PHACTR3: variants seen among roughly 807,000 people sequenced by gnomAD.
PHACTR3 encodes protein phosphatase 1, regulatory subunit 123.
A neutral mutation model predicts 66.8 loss-of-function variants in PHACTR3; 16 were observed. The ratio of observed to expected loss-of-function variants is 0.24; its 90% confidence interval spans 0.16 to 0.36. The LOEUF is 0.36. Ranked by LOEUF, PHACTR3 falls within the 10% of genes least tolerant of loss-of-function variation. The pLI, the probability that PHACTR3 is intolerant of heterozygous loss-of-function variation, is 1.00. For synonymous variants in PHACTR3, 323 were observed against 292.1 expected (o/e 1.11, Z -1.08); for missense variants, 647 against 719.9 (o/e 0.90, Z 1.16).
At position 59,829,580 on chromosome 20, in the gene PHACTR3, C is replaced by T. The variant is rs977089783; in HGVS notation, c.1329-6925C>T. On this transcript the variant is annotated intron_variant, in intron 8 of 12. Transcript: ENST00000371015. The surrounding 1 kb of genome is among the most constrained non-coding windows in gnomAD (Gnocchi z 4.2). ...GATGTCTGAGGATGCATCAATGCGTCGTGTGAATGGTGTGTGGAGACGCTG... is the reference window on the plus strand; with the variant it reads ...GATGTCTGAGGATGCATCAATGCGTTGTGTGAATGGTGTGTGGAGACGCTG... Among the ~76,000 whole-genome samples, 6 of 152,226 alleles carry T rather than the reference C, an allele frequency of 3.9e-5. No individual in the cohort carries two copies. Among genetic ancestry groups the T allele is most frequent in the South Asian group, 2.1e-4 (1 of 4,834 alleles).
At chr20:59,657,030 C>G (rs2035639913) in intron 1 of PHACTR3, among the ~76,000 whole-genome samples, 1 of 151,890 alleles carries the variant, frequency 6.6e-6, no homozygotes, top group African/African-American at 2.4e-5. Context: ...GAATTTATGT[C>G]TTTCAAGGAA....
At chr20:59,811,014 C>A (rs976248790) in intron 8 of PHACTR3, among the ~76,000 whole-genome samples, 1 of 152,246 alleles carries the variant, frequency 6.6e-6, no homozygotes, top group Non-Finnish European at 1.5e-5. Context: ...ATGTGCTTGA[C>A]GTCTGCCTTA....
At position 59,824,856 on chromosome 20, in the gene PHACTR3, T is replaced by A. The variant is rs140105423; in HGVS notation, c.1329-11649T>A. Among the ~76,000 whole-genome samples the A allele has an allele frequency of 3.7e-3, 557 of 152,318 alleles. 6 individuals are homozygous for A. Among genetic ancestry groups the A allele is most frequent in the African/African-American group, 0.012 (514 of 41,564 alleles). ...TCCAACTTTCTGCCCTCTGCTGATC[T>A]GGAGGTGGCACAGTGACGTGCTGTT... On this transcript the variant is annotated intron_variant, in intron 8 of 12. Transcript: ENST00000371015.
At chr20:59,680,692 A>G (rs1601087202) in intron 1 of PHACTR3, among the ~76,000 whole-genome samples, 2 of 152,046 alleles carry the variant, frequency 1.3e-5, no homozygotes, top group African/African-American at 4.8e-5. Context: ...AACTATCATT[A>G]GTGTTAGCGT....
At chr20:59,767,096 C>T (rs1404323893) in intron 4 of PHACTR3, 90 bp from the exon 5 acceptor site, 3 of 1,330,900 alleles carry the variant, frequency 2.3e-6, no homozygotes, top group Admixed American at 1.9e-5. Context: ...TTCACGATCC[C>T]ATCCCACCAA....
chr20:59,725,178 T>G (rs1306706861), intron 1 of PHACTR3, among the ~76,000 whole-genome samples: 2 of 151,924 alleles, frequency 1.3e-5, no homozygotes, highest in Non-Finnish European at 2.9e-5. Context: ...TCAGTAAGGC[T>G]GTGAACCCAG....
intron 1 of PHACTR3, among the ~76,000 whole-genome samples, chr20:59,686,364 A>G (rs2036859899): frequency 6.6e-6 from 1 of 152,208 alleles, no homozygotes; most frequent in Admixed American, 6.5e-5. Flanking sequence ...AATAATAATA[A>G]TACCTTTTCT....
At chr20:59,668,086 A>G (rs1260234914) in intron 1 of PHACTR3, among the ~76,000 whole-genome samples, 2 of 152,154 alleles carry the variant, frequency 1.3e-5, no homozygotes, top group Non-Finnish European at 2.9e-5. Flanking sequence ...GTACGGACTT[A>G]GAGGTGGGCA....
chr20:59,707,863 C>T (rs559063748), intron 1 of PHACTR3, among the ~76,000 whole-genome samples: 1 of 152,274 alleles, frequency 6.6e-6, no homozygotes, highest in African/African-American at 2.4e-5. Flanking sequence ...GACATCAGTG[C>T]CGTATTTCTT....
intron 8 of PHACTR3, among the ~76,000 whole-genome samples, chr20:59,814,834 A>AT (rs1277206405): frequency 6.6e-6 from 1 of 151,938 alleles, no homozygotes; most frequent in East Asian, 1.9e-4. Context: ...CTGGAAACCC[A>AT]TTTTTTCTTG....
chr20:59,664,591 A>C (rs2035923394), intron 1 of PHACTR3, among the ~76,000 whole-genome samples: 1 of 152,120 alleles, frequency 6.6e-6, no homozygotes, highest in South Asian at 2.1e-4. Context: ...CCAACTCCAG[A>C]CATCCCCCTC....
intron 1 of PHACTR3, among the ~76,000 whole-genome samples, chr20:59,674,509 C>CG (rs573791354): frequency 3.1e-5 from 4 of 127,538 alleles, no homozygotes; most frequent in African/African-American, 1.3e-4. Flanking sequence ...TCCTGTTCCC[C>CG]CTTCTCCTGT....
chr20:59,805,080 G>A (rs935221773), intron 7 of PHACTR3, among the ~76,000 whole-genome samples: 20 of 152,236 alleles, frequency 1.3e-4, no homozygotes, highest in Non-Finnish European at 2.5e-4. Flanking sequence ...GGCAGGGCAG[G>A]TGGGGACTGT....
intron 1 of PHACTR3, among the ~76,000 whole-genome samples, chr20:59,627,814 A>G (rs1207601449): frequency 1.3e-5 from 2 of 152,218 alleles, no homozygotes; most frequent in African/African-American, 4.8e-5. Flanking sequence ...CTATAAATAT[A>G]TGTATATTCT....
At chr20:59,657,257 T>TTGTGTGTGTG (rs112043545) in intron 1 of PHACTR3, among the ~76,000 whole-genome samples, 1 of 150,208 alleles carries the variant, frequency 6.7e-6, no homozygotes, top group African/African-American at 2.4e-5. Flanking sequence ...TAGAAGTGTG[T>TTGTGTGTGTG]TGTGTGTGTG....
chr20:59,752,998 G>A (rs2039655985), intron 3 of PHACTR3, among the ~76,000 whole-genome samples: 2 of 152,170 alleles, frequency 1.3e-5, no homozygotes, highest in South Asian at 4.1e-4. Context: ...TTTCAGCTTT[G>A]TGACCTCTAA....
rs74530758 is a variant in PHACTR3, at chr20:59,650,971, C to A, written c.118+45839C>A. Among the ~76,000 whole-genome samples, 9 of 152,038 alleles carry A rather than the reference C, an allele frequency of 5.9e-5. No homozygotes were observed. In the East Asian group the frequency reaches 1.7e-3, roughly 29 times the overall value. Reference sequence around the variant, plus strand: ...CTTGTGTCTTTTAACAAAAAGAAAACCTGATTTAAGCAAGATGTCAAGATG... The same window carrying A: ...CTTGTGTCTTTTAACAAAAAGAAAAACTGATTTAAGCAAGATGTCAAGATG... On this transcript the variant is annotated intron_variant, in intron 1 of 12. Transcript: ENST00000371015.
intron 1 of PHACTR3, among the ~76,000 whole-genome samples, chr20:59,695,372 C>T (rs1460159863): frequency 6.6e-6 from 1 of 152,162 alleles, no homozygotes; most frequent in Non-Finnish European, 1.5e-5. Flanking sequence ...TCATTCTCTT[C>T]CTCCTTCTCC....
At chr20:59,681,533 G>A (rs942412547) in intron 1 of PHACTR3, among the ~76,000 whole-genome samples, 5 of 152,188 alleles carry the variant, frequency 3.3e-5, no homozygotes, top group Non-Finnish European at 7.3e-5. Flanking sequence ...ATGGGTAGAT[G>A]ACACAAATCA....
Sources: gnomAD v4.1 joint callset for allele counts (sites outside exome capture counted in the v4.1 genomes callset) on GRCh38, gnomAD v4.1.1 for gene constraint, Gnocchi (gnomAD v3.1) non-coding constraint, MANE v1.5 for transcripts, NCBI Gene and HGNC (gene_info 2026-07-23, HGNC 2026-07-21) for gene names.